The following CA10 variants were observed in gnomAD, a reference collection of about 807,000 sequenced individuals.
CA10 encodes the protein carbonic anhydrase-related protein 10.
CA10 carries 14 observed loss-of-function variants against 44.2 expected under a neutral mutation model. The ratio of observed to expected loss-of-function variants is 0.32; its 90% CI spans 0.21 to 0.50. The LOEUF (loss-of-function observed/expected upper bound fraction) is 0.50. Among genes scored for constraint, CA10 ranks in the 20% least tolerant of loss-of-function variants. CA10 has a pLI of 0.99. For missense variants in CA10, 350 were observed against 409.7 expected, an observed-to-expected ratio of 0.85 and a Z score of 1.26; for synonymous variants, 159 against 141.6, an observed-to-expected ratio of 1.12 and a Z score of -0.87.
At chr17:52,020,659 C>T (rs997944773) in intron 2 of CA10, among the ~76,000 whole-genome samples, 1 of 152,026 alleles carries the variant, frequency 6.6e-6, no homozygotes, top group East Asian at 1.9e-4. Flanking sequence ...AACTTTTATT[C>T]AACTTCTATT....
chr17:52,141,949 G>A (rs117658875), intron 1 of CA10, among the ~76,000 whole-genome samples: 2,348 of 152,292 alleles, frequency 0.015, 32 homozygotes, highest in Non-Finnish European at 0.023. Flanking sequence ...GCCAGTGGAT[G>A]GGCAGCACCG....
intron 3 of CA10, among the ~76,000 whole-genome samples, chr17:51,808,734 T>C (rs187753990): frequency 8.1e-4 from 123 of 152,328 alleles, no homozygotes; most frequent in Non-Finnish European, 1.5e-3. Context: ...ATTGTCCATA[T>C]AGCATGTCTC....
At chr17:51,677,177 G>A (rs1914653157) in intron 4 of CA10, among the ~76,000 whole-genome samples, 1 of 152,158 alleles carries the variant, frequency 6.6e-6, no homozygotes, top group Non-Finnish European at 1.5e-5. Flanking sequence ...AAATGGTGGT[G>A]ATATGGTTTG....
At chr17:52,044,264 T>C (rs1338446446) in intron 2 of CA10, among the ~76,000 whole-genome samples, 1 of 152,132 alleles carries the variant, frequency 6.6e-6, no homozygotes, top group Non-Finnish European at 1.5e-5. Context: ...TTTCTGTTTC[T>C]TCATGGTTAG....
At chr17:52,051,832 T>C (rs1490117968) in intron 2 of CA10, among the ~76,000 whole-genome samples, 1 of 152,110 alleles carries the variant, frequency 6.6e-6, no homozygotes, top group Non-Finnish European at 1.5e-5. Flanking sequence ...TGCATACATA[T>C]GTTCACTGTA....
At chr17:52,073,528 T>C (rs1267394978) in intron 1 of CA10, among the ~76,000 whole-genome samples, 1 of 152,212 alleles carries the variant, frequency 6.6e-6, no homozygotes, top group Non-Finnish European at 1.5e-5. Flanking sequence ...AGCCCACTCC[T>C]TCTGGAACTG....
At chr17:51,954,678 T>C (rs749629263) in intron 2 of CA10, among the ~76,000 whole-genome samples, 16 of 152,138 alleles carry the variant, frequency 1.1e-4, no homozygotes, top group Admixed American at 2.0e-4. Flanking sequence ...CCTGATCAGA[T>C]TGCTTTTATT....
chr17:51,633,684 A>G (rs2286634), intron 7 of CA10, 34 bp from the exon 8 acceptor site: 391,931 of 1,393,112 alleles, frequency 0.28, 49,894 homozygotes, highest in South Asian at 0.42. Flanking sequence ...AGATCCAACC[A>G]TCCTCTTAAA....
intron 1 of CA10, among the ~76,000 whole-genome samples, chr17:52,109,832 T>C (rs1311953668): frequency 1.3e-5 from 2 of 152,326 alleles, no homozygotes; most frequent in East Asian, 3.9e-4. Context: ...GCAGTCAATT[T>C]CAGAGAAGGC....
chr17:52,104,412 C>T (rs758143092), intron 1 of CA10, among the ~76,000 whole-genome samples: 1 of 152,120 alleles, frequency 6.6e-6, no homozygotes, highest in African/African-American at 2.4e-5. Context: ...TCATGTTGCC[C>T]AGGCTGGTCT....
chr17:51,986,951 TC>T (rs1449477124), intron 2 of CA10, among the ~76,000 whole-genome samples: 3 of 152,038 alleles, frequency 2.0e-5, no homozygotes. Context: ...CTGTGGAGAT[TC>T]CTTAAAGAAC....
chr17:51,711,036 C>T (rs907829345), intron 4 of CA10, among the ~76,000 whole-genome samples: 1 of 138,168 alleles, frequency 7.2e-6, no homozygotes, highest in Non-Finnish European at 1.5e-5. Context: ...GAAGTTTAAA[C>T]ACTTAAGTTA....
chr17:51,815,634 A>AG (rs1907537583), intron 3 of CA10, among the ~76,000 whole-genome samples: 1 of 152,158 alleles, frequency 6.6e-6, no homozygotes, highest in South Asian at 2.1e-4. Context: ...GGTAAAATCC[A>AG]GGGGAGAATT....
At chr17:51,909,579 C>T (rs149978583) in intron 3 of CA10, among the ~76,000 whole-genome samples, 186 of 152,200 alleles carry the variant, frequency 1.2e-3, no homozygotes, top group South Asian at 5.4e-3. Context: ...TGAGATGAAA[C>T]GGAACCTGTC....
intron 1 of CA10, among the ~76,000 whole-genome samples, chr17:52,073,086 T>C (rs746528396): frequency 4.6e-5 from 7 of 152,226 alleles, no homozygotes; most frequent in Admixed American, 1.3e-4. Flanking sequence ...GTATACATGA[T>C]ACATAAATTT....
At chr17:52,104,869 G>C (rs142160991) in intron 1 of CA10, among the ~76,000 whole-genome samples, 1 of 152,262 alleles carries the variant, frequency 6.6e-6, no homozygotes, top group African/African-American at 2.4e-5. Context: ...TTTTCTCCCA[G>C]TAGGTTAGAT....
At chr17:51,656,108 C>A (rs566947138) in intron 4 of CA10, among the ~76,000 whole-genome samples, 1 of 152,332 alleles carries the variant, frequency 6.6e-6, no homozygotes, top group Non-Finnish European at 1.5e-5. Flanking sequence ...GAACAAAACA[C>A]ACCCTGCCAT....
chr17:51,840,902 C>T (rs1978313910), intron 3 of CA10, among the ~76,000 whole-genome samples: 1 of 152,196 alleles, frequency 6.6e-6, no homozygotes, highest in Non-Finnish European at 1.5e-5. Context: ...AACAAACTCA[C>T]AGTTTATCAT....
chr17:51,642,892 C>T (rs1048406045), intron 6 of CA10, among the ~76,000 whole-genome samples: 2 of 152,210 alleles, frequency 1.3e-5, no homozygotes, highest in African/African-American at 4.8e-5. Flanking sequence ...ATCTGCCCAT[C>T]TCAGCCTCCC....
Sources: gnomAD v4.1 joint callset for allele counts (sites outside exome capture counted in the v4.1 genomes callset) on GRCh38, gnomAD v4.1.1 for gene constraint, MANE v1.5 for transcripts, NCBI Gene and HGNC (gene_info 2026-07-23, HGNC 2026-07-21) for gene names.